The following SCP2 variants were observed in gnomAD, a reference collection of about 807,000 sequenced individuals.
The protein encoded by SCP2 is sterol carrier protein 2.
Under a neutral mutation model 71.4 loss-of-function variants are expected in SCP2, and 48 were observed. That is an observed-to-expected ratio of 0.67 (90% CI 0.53 to 0.86). SCP2 has a LOEUF of 0.86. Ranked by LOEUF, SCP2 falls within the 40% of genes least tolerant of loss-of-function variation. SCP2 has a pLI of 0.00. For synonymous variants in SCP2, 220 were observed against 218.1 expected, an observed-to-expected ratio of 1.01 and a Z score of -0.08; for missense variants, 560 against 655.6, an observed-to-expected ratio of 0.85 and a Z score of 1.59.
intron 4 of SCP2, among the ~76,000 whole-genome samples, chr1:52,952,474 G>A (rs1375083333): frequency 6.6e-6 from 1 of 152,114 alleles, no homozygotes. Flanking sequence ...CGATCTTCCT[G>A]CCTTGGCCCC....
intron 12 of SCP2, among the ~76,000 whole-genome samples, chr1:53,015,408 T>C (rs938320842): frequency 6.6e-6 from 1 of 152,170 alleles, no homozygotes; most frequent in Non-Finnish European, 1.5e-5. Flanking sequence ...TCTTTGCAAA[T>C]TTGTATTTCC....
At chr1:53,002,052 C>T (rs1387824345) in intron 11 of SCP2, among the ~76,000 whole-genome samples, 1 of 151,936 alleles carries the variant, frequency 6.6e-6, no homozygotes, top group Non-Finnish European at 1.5e-5. Flanking sequence ...GGTGTGGTGG[C>T]AGGCGCCTGT....
chr1:52,950,758 A>T lies in SCP2; in HGVS notation c.203A>T (p.Asp68Val). The T allele has an allele frequency of 6.2e-7, 1 of 1,613,278 alleles. No individual in the cohort carries two copies. The highest frequency in any genetic ancestry group is 8.5e-7 in the Non-Finnish European group (1 of 1,179,380). Reference sequence around the variant, plus strand: ...AAATTTTTGTTTTTCTATTCAGGTGACTCTACCTGTGGGCAGAGGGCTATC... The same window carrying T: ...AAATTTTTGTTTTTCTATTCAGGTGTCTCTACCTGTGGGCAGAGGGCTATC... ...DQACVGYVFG[D>V]STCGQRAIYH... Residue 68 changes from aspartate to valine, a missense_variant, in exon 4 of 16, where the codon GAC becomes GTC. Asp to Val is a radical substitution (Grantham distance 152). Coordinates refer to ENST00000371514, the MANE Select transcript of SCP2 (RefSeq NM_002979.5).
intron 13 of SCP2, 56 bp from the exon 14 acceptor site, chr1:53,038,861 A>T: frequency 6.2e-7 from 1 of 1,607,408 alleles, no homozygotes; most frequent in Non-Finnish European, 8.5e-7. Context: ...AATTTGCTTG[A>T]GGAGAAAGCC....
rs373033925 is a variant in SCP2 at position 52,997,035 on chromosome 1, G to GA, written c.1081+8908dup. 7.1e-3 allele frequency among the ~76,000 whole-genome samples: 1,063 copies of GA among 150,190 alleles called. 17 individuals are homozygous for GA. The highest frequency in any genetic ancestry group is 0.025 in the African/African-American group (1,022 of 41,046). ...AAGAGCCAAAAATAAATGTGAATTGGAAAAAAAAATGCACAGTTCTCACAA... is the reference window on the plus strand; with the variant it reads ...AAGAGCCAAAAATAAATGTGAATTGGAAAAAAAAAATGCACAGTTCTCACAA... On this transcript the variant is annotated intron_variant, in intron 11 of 15. Coordinates refer to ENST00000371514, the MANE Select transcript of SCP2 (RefSeq NM_002979.5).
At chr1:52,993,643 C>T in intron 11 of SCP2, 1 of 1,612,454 alleles carries the variant, frequency 6.2e-7, no homozygotes. Context: ...TGTCATCTAT[C>T]ACACACTGCT....
At chr1:53,044,183 G>A (rs576806740) in intron 14 of SCP2, among the ~76,000 whole-genome samples, 6 of 151,952 alleles carry the variant, frequency 3.9e-5, no homozygotes, top group Non-Finnish European at 7.4e-5. Context: ...TCAGCCTGCC[G>A]AGTAGCTGGA....
At chr1:52,980,139 A>T (rs1018569845) in intron 9 of SCP2, among the ~76,000 whole-genome samples, 7 of 152,148 alleles carry the variant, frequency 4.6e-5, no homozygotes, top group African/African-American at 1.7e-4. Flanking sequence ...ACGCCAGGCT[A>T]ATTTTTAAAT....
At chr1:53,005,785 T>C (rs980812849) in intron 11 of SCP2, among the ~76,000 whole-genome samples, 1 of 152,080 alleles carries the variant, frequency 6.6e-6, no homozygotes, top group Non-Finnish European at 1.5e-5. Context: ...CTTTGATGAG[T>C]TGAGAGAAGA....
intron 11 of SCP2, among the ~76,000 whole-genome samples, chr1:52,990,397 C>T (rs1396617440): frequency 6.6e-6 from 1 of 151,850 alleles, no homozygotes; most frequent in Non-Finnish European, 1.5e-5. Context: ...CTTTAACTAG[C>T]TATTTTAAAT....
chr1:52,970,164 A>T (rs1483545499), intron 6 of SCP2, among the ~76,000 whole-genome samples: 7 of 152,096 alleles, frequency 4.6e-5, no homozygotes, highest in African/African-American at 1.7e-4. Flanking sequence ...TGGACTTTTA[A>T]TTTTATTAGT....
rs564088547 is a variant in SCP2, at chr1:52,974,926, A to T, written c.587+94A>T. On this transcript the variant is annotated intron_variant, in intron 7 of 15. Transcript: ENST00000371514. ...CTTGAAAAGCAAATGCCAAGATCTC[A>T]AATATTTTAACTAGAATGTTTTATT... is the stretch of plus-strand genomic sequence containing the variant. The T allele has an allele frequency of 9.2e-5, 69 of 751,400 alleles. No individual in the cohort carries two copies. In the African/African-American group the frequency reaches 1.1e-3, roughly 12 times the overall value. The allele number at this position is 751,400 out of a possible 1,614,324, so 46.5% of individuals were successfully genotyped here.
At chr1:53,007,525 C>T (rs187544900) in intron 11 of SCP2, among the ~76,000 whole-genome samples, 1 of 152,312 alleles carries the variant, frequency 6.6e-6, no homozygotes, top group Non-Finnish European at 1.5e-5. Flanking sequence ...TCCTGAATGA[C>T]TACTGGGTAC....
At chr1:52,971,803 C>T (rs1362951078) in intron 6 of SCP2, among the ~76,000 whole-genome samples, 1 of 152,202 alleles carries the variant, frequency 6.6e-6, no homozygotes, top group Admixed American at 6.6e-5. Context: ...TTATGACCCA[C>T]AGTCAAACAA....
At chr1:52,947,339 C>T (rs992946014) in intron 2 of SCP2, among the ~76,000 whole-genome samples, 7 of 142,702 alleles carry the variant, frequency 4.9e-5, no homozygotes, top group Admixed American at 2.1e-4. Context: ...GTTTTGCTTT[C>T]GTTCTTCTGG....
chr1:52,947,315 A>G (rs1236780132), intron 2 of SCP2, among the ~76,000 whole-genome samples: 1 of 150,570 alleles, frequency 6.6e-6, no homozygotes, highest in Non-Finnish European at 1.5e-5. Context: ...CCCATGGACA[A>G]CTTCTTTTAA....
chr1:53,031,907 T>A (rs990775570), intron 13 of SCP2, among the ~76,000 whole-genome samples: 3 of 152,150 alleles, frequency 2.0e-5, no homozygotes, highest in Non-Finnish European at 4.4e-5. Flanking sequence ...TTTGCTGGTG[T>A]TTTCCTGCTG....
intron 14 of SCP2, among the ~76,000 whole-genome samples, chr1:53,042,150 G>A (rs1663480722): frequency 6.6e-6 from 1 of 151,030 alleles, no homozygotes; most frequent in African/African-American, 2.4e-5. Flanking sequence ...GGAAAAAAAT[G>A]GCCATAGCTT....
At chr1:52,958,765 G>A (rs2150137534) in intron 5 of SCP2, among the ~76,000 whole-genome samples, 1 of 152,228 alleles carries the variant, frequency 6.6e-6, no homozygotes, top group South Asian at 2.1e-4. Flanking sequence ...ATGTTGCCCA[G>A]GCTGGTTTCA....
Sources: allele counts gnomAD v4.1 joint callset (sites outside exome capture counted in the v4.1 genomes callset), GRCh38; gene constraint gnomAD v4.1.1; transcripts MANE v1.5; gene names NCBI Gene and HGNC (gene_info 2026-07-23, HGNC 2026-07-21).